The following COL9A1 variants were observed in gnomAD, a reference collection of about 807,000 sequenced individuals.
The protein encoded by COL9A1 is collagen alpha-1(IX) chain.
Under a neutral mutation model 142.6 loss-of-function variants are expected in COL9A1, and 104 were observed. That is an observed-to-expected ratio of 0.73 (90% CI 0.62 to 0.86). The LOEUF is 0.86. Ranked by LOEUF, COL9A1 falls within the 40% of genes least tolerant of loss-of-function variation. The pLI is 0.00. For missense variants in COL9A1, 1,210 were observed against 1,176.6 expected (o/e 1.03, Z -0.42); for synonymous variants, 466 against 396.0 (o/e 1.18, Z -2.10).
chr6:70,302,722 G>T (rs955075024), intron 1 of COL9A1, among the ~76,000 whole-genome samples, 189 bp downstream of exon 1: 42 of 151,594 alleles, frequency 2.8e-4, no homozygotes. Context: ...TCTGTCTTCG[G>T]TTTTTTGTGT....
chr6:70,242,716 C>T lies in COL9A1; in HGVS notation c.1873-1G>A. 1 of 1,613,902 alleles carries T rather than the reference C, an allele frequency of 6.2e-7. No individual in the cohort carries two copies. The highest frequency in any genetic ancestry group is 8.5e-7 in the Non-Finnish European group (1 of 1,179,766). Reference sequence around the variant, plus strand: ...CTGGTCCTAATTCTCCTCTACTGCCCTGTAAAAACACAAACATTGTCAATT... The same window carrying T: ...CTGGTCCTAATTCTCCTCTACTGCCTTGTAAAAACACAAACATTGTCAATT... On this transcript the variant is annotated splice_acceptor_variant, in intron 28 of 37. Transcript: ENST00000357250. LOFTEE classifies it high-confidence loss of function.
intron 28 of COL9A1, among the ~76,000 whole-genome samples, chr6:70,244,504 T>G (rs1213821826): frequency 6.6e-6 from 1 of 152,218 alleles, no homozygotes; most frequent in Non-Finnish European, 1.5e-5. Flanking sequence ...ATGATTGACA[T>G]CCTAAATATC....
At chr6:70,296,394 G>A (rs1238664125) in intron 4 of COL9A1, among the ~76,000 whole-genome samples, 1 of 151,774 alleles carries the variant, frequency 6.6e-6, no homozygotes. Flanking sequence ...TCCCTCAAGT[G>A]TACATTTTAA....
At chr6:70,294,745 C>T (rs542767112) in intron 4 of COL9A1, among the ~76,000 whole-genome samples, 182 bp from the exon 5 acceptor site, 2 of 152,242 alleles carry the variant, frequency 1.3e-5, no homozygotes, top group Admixed American at 1.3e-4. Context: ...TTCAATCATT[C>T]CTGTACATTC....
At chr6:70,267,041 A>G (rs1180198036) in intron 17 of COL9A1, among the ~76,000 whole-genome samples, 5 of 152,196 alleles carry the variant, frequency 3.3e-5, no homozygotes, top group African/African-American at 1.2e-4. Context: ...CTTGCCTGCT[A>G]TTTCCTAGAT....
At chr6:70,301,439 T>G (rs1188933537) in intron 2 of COL9A1, among the ~76,000 whole-genome samples, 2 of 152,116 alleles carry the variant, frequency 1.3e-5, no homozygotes, top group African/African-American at 4.8e-5. Context: ...TAGCCAGGCA[T>G]GCTGGCACAT....
At chr6:70,233,393 G>A (rs188048968) in intron 35 of COL9A1, among the ~76,000 whole-genome samples, 1 of 152,298 alleles carries the variant, frequency 6.6e-6, no homozygotes, top group Admixed American at 6.5e-5. Flanking sequence ...AATGGTCAGA[G>A]TTAGTCTTAA....
chr6:70,283,263 AGGG>A, intron 6 of COL9A1: 2 of 1,430,572 alleles, frequency 1.4e-6, no homozygotes, highest in Non-Finnish European at 1.8e-6. Context: ...GAGGAGAGCT[AGGG>A]GGCAGGGGAG....
intron 10 of COL9A1, 181 bp from the exon 11 acceptor site, chr6:70,274,953 G>A (rs1029571714): frequency 1.0e-5 from 6 of 598,358 alleles, no homozygotes; most frequent in East Asian, 2.8e-5. Flanking sequence ...CAGAAGATCT[G>A]CCTGTTGTGA....
intron 19 of COL9A1, among the ~76,000 whole-genome samples, chr6:70,261,408 T>A (rs1771680385): frequency 6.6e-6 from 1 of 152,140 alleles, no homozygotes; most frequent in African/African-American, 2.4e-5. Context: ...CAGAAATGGA[T>A]CCTGGAAGGA....
chr6:70,279,969 T>G (rs1191345000), intron 10 of COL9A1: 2 of 686,746 alleles, frequency 2.9e-6, no homozygotes, highest in Admixed American at 2.0e-5. Flanking sequence ...CAGACGCCAT[T>G]TCTTACTTCA....
chr6:70,292,095 T>A (rs1773683494), intron 5 of COL9A1, among the ~76,000 whole-genome samples: 1 of 152,212 alleles, frequency 6.6e-6, no homozygotes, highest in African/African-American at 2.4e-5. Flanking sequence ...AAATGAAGTT[T>A]GAGAAATACA....
At position 70,241,514 on chromosome 6, in the gene COL9A1, T is replaced by C. The variant is rs1770258672; in HGVS notation, c.1999-60A>G. 7 of 1,401,342 alleles carry C rather than the reference T, an allele frequency of 5.0e-6. No homozygotes were observed. The South Asian group carries it at 7.0e-5, about 14-fold the overall frequency. The allele number at this position is 1,401,342 out of a possible 1,614,324, so 86.8% of individuals were successfully genotyped here. On this transcript the variant is annotated intron_variant, in intron 30 of 37. Coordinates refer to ENST00000357250, the MANE Select transcript of COL9A1 (RefSeq NM_001851.6). ...TTTCAACTGTTTATATAATTTCAAG[T>C]GAACCTTATTGGGTGGGTGGATAAG...
chr6:70,280,221 C>A, intron 10 of COL9A1: 1 of 1,028,638 alleles, frequency 9.7e-7, no homozygotes, highest in Non-Finnish European at 1.3e-6. Flanking sequence ...CCAGTAATGC[C>A]AGCCAGAAAA....
At chr6:70,296,448 T>C (rs1230840731) in intron 4 of COL9A1, among the ~76,000 whole-genome samples, 1 of 152,124 alleles carries the variant, frequency 6.6e-6, no homozygotes, top group Non-Finnish European at 1.5e-5. Context: ...ACAAGAACCA[T>C]TGACTGACCT....
chr6:70,226,104 A>G, intron 36 of COL9A1, 95 bp from the exon 37 acceptor site: 1 of 1,118,322 alleles, frequency 8.9e-7, no homozygotes, highest in South Asian at 1.3e-5. Context: ...TTCAGAAACC[A>G]AAAGGTCATG....
chr6:70,235,068 G>C, intron 33 of COL9A1, 128 bp from the exon 34 acceptor site: 1 of 1,201,788 alleles, frequency 8.3e-7, no homozygotes, highest in Non-Finnish European at 1.2e-6. Flanking sequence ...TGTTCTTTCA[G>C]AGGTTACAAA....
At chr6:70,296,528 A>G (rs1045564707) in intron 4 of COL9A1, among the ~76,000 whole-genome samples, 1 of 152,116 alleles carries the variant, frequency 6.6e-6, no homozygotes, top group Non-Finnish European at 1.5e-5. Flanking sequence ...CCTGTTTATC[A>G]ATCAGTTTGT....
chr6:70,272,225 A>G, intron 12 of COL9A1, 137 bp from the exon 13 acceptor site: 2 of 675,866 alleles, frequency 3.0e-6, no homozygotes, highest in Non-Finnish European at 5.0e-6. Flanking sequence ...AGCACTGAAT[A>G]AAGAAAAGCA....
Sources: gnomAD v4.1 joint callset for allele counts (sites outside exome capture counted in the v4.1 genomes callset) on GRCh38, gnomAD v4.1.1 for gene constraint, MANE v1.5 for transcripts, NCBI Gene and HGNC (gene_info 2026-07-23, HGNC 2026-07-21) for gene names.